Variants in IL10RB observed in about 807,000 individuals in gnomAD.
IL10RB encodes interleukin 10 receptor subunit beta.
IL10RB carries 30 observed loss-of-function variants against 38.7 expected under a neutral mutation model. The observed-to-expected ratio is 0.78, with a 90% CI of 0.58 to 1.05. The LOEUF is 1.05. IL10RB is among the 50% of genes least tolerant of loss of function. The probability of loss-of-function intolerance (pLI) is 0.00; values close to 1 mark genes in which losing one functional copy is unlikely to be tolerated. For synonymous variants in IL10RB, 142 were observed against 145.9 expected, an observed-to-expected ratio of 0.97 and a Z score of 0.19; for missense variants, 328 against 397.1, an observed-to-expected ratio of 0.83 and a Z score of 1.48.
rs1356399741 is a variant in IL10RB, at chr21:33,266,498, C to T, written c.33C>T (p.Gly11=). The change falls in exon 1 of 7, where the codon GGC becomes GGT. Residue 11 remains glycine (G), a synonymous_variant. Transcript: ENST00000290200. ...GGAGCCTTGGGAGCTGGCTGGGTGG[C>T]TGCCTGCTGGTGTCAGGTGAGGGGT... is the stretch of plus-strand genomic sequence containing the variant. The part of the protein sequence containing the change: MAWSLGSWLG[G]CLLVSALGMV... The T allele has an allele frequency of 6.5e-7, 1 of 1,542,992 alleles. No homozygotes were observed. The highest frequency in any genetic ancestry group is 1.2e-5 in the South Asian group (1 of 84,080).
Position 33,296,727 on chromosome 21 carries a change from C to G in IL10RB, c.*370C>G, listed in dbSNP as rs1267861730. The G allele has an allele frequency of 2.7e-6, 1 of 374,076 alleles. No homozygotes were observed. Among genetic ancestry groups the G allele is most frequent in the Non-Finnish European group, 5.2e-6 (1 of 190,552 alleles). The allele number at this position is 374,076 out of a possible 1,614,324, so 23.2% of individuals were successfully genotyped here. On this transcript the variant is annotated 3_prime_UTR_variant, in exon 7 of 7. Coordinates refer to ENST00000290200, the MANE Select transcript of IL10RB (RefSeq NM_000628.5). Reference sequence around the variant, plus strand: ...ACCTTAGAGGTCGAGGCAGGCGGATCACTTGAGGTCAGGAGTTCAAGACCA... The same window carrying G: ...ACCTTAGAGGTCGAGGCAGGCGGATGACTTGAGGTCAGGAGTTCAAGACCA...
intron 4 of IL10RB, 151 bp downstream of exon 4, chr21:33,280,069 G>A: frequency 1.3e-6 from 1 of 741,030 alleles, no homozygotes. Context: ...AAGCTTCCCA[G>A]ACTCCTAAGG....
chr21:33,298,800 C>T (rs1349634319), downstream of IL10RB, among the ~76,000 whole-genome samples: 2 of 152,148 alleles, frequency 1.3e-5, no homozygotes, highest in East Asian at 3.8e-4. Flanking sequence ...GATTAGCAAG[C>T]TGGAAGCTTG....
intron 6 of IL10RB, among the ~76,000 whole-genome samples, chr21:33,295,671 C>A (rs1330834797): frequency 3.4e-3 from 372 of 109,518 alleles, no homozygotes; most frequent in African/African-American, 4.1e-3. Context: ...GACTCCATCT[C>A]AAAAAAAAAA....
intron 2 of IL10RB, 50 bp downstream of exon 2, chr21:33,268,567 G>A: frequency 7.4e-7 from 1 of 1,350,572 alleles, no homozygotes; most frequent in Middle Eastern, 2.2e-4. Context: ...AGCCAGCCCT[G>A]GGCTGGTCAC....
chr21:33,270,665 C>T (rs1191298817), intron 2 of IL10RB, among the ~76,000 whole-genome samples: 6 of 150,940 alleles, frequency 4.0e-5, no homozygotes, highest in Middle Eastern at 3.4e-3. Context: ...TGAGCCACCG[C>T]GCCCAGCCTT....
At chr21:33,266,802 T>C (rs910352434) in intron 1 of IL10RB, among the ~76,000 whole-genome samples, 6 of 152,170 alleles carry the variant, frequency 3.9e-5, no homozygotes, top group African/African-American at 1.4e-4. Context: ...TGCAGCTCTC[T>C]GCTGGCGGGC....
chr21:33,296,337 G>A lies in IL10RB; in HGVS notation c.958G>A (p.Gly320Arg), dbSNP rs1346990747. 6.2e-7 allele frequency: 1 copy of A among 1,613,634 alleles called. No individual in the cohort carries two copies. Among genetic ancestry groups the A allele is most frequent in the South Asian group, 1.1e-5 (1 of 90,940 alleles). Residue 320 changes from glycine to arginine, a missense_variant, in exon 7 of 7, where the codon GGG (glycine) becomes AGG (arginine). Coordinates refer to ENST00000290200, the MANE Select transcript of IL10RB (RefSeq NM_000628.5). The part of the protein sequence containing the change: ...GDSCSLGTPP[G>R]QGPQS ...CAGCTGCAGCCTCGGGACCCCGCCT[G>A]GGCAGGGGCCCCAAAGCTAGGCTCT...
chr21:33,301,975 G>A (rs1250222745), downstream of IL10RB, among the ~76,000 whole-genome samples: 1 of 152,132 alleles, frequency 6.6e-6, no homozygotes, highest in Non-Finnish European at 1.5e-5. Context: ...CCAATGACCT[G>A]CTTCTACCCA....
chr21:33,272,150 A>C (rs981856884), intron 2 of IL10RB, among the ~76,000 whole-genome samples: 3 of 152,214 alleles, frequency 2.0e-5, no homozygotes, highest in Non-Finnish European at 4.4e-5. Flanking sequence ...GATCCCAATG[A>C]TCTCTATCTA....
In IL10RB at chr21:33,288,165, G is replaced by C; in HGVS notation, c.708G>C (p.Leu236=). ...TGGCCTCGGTCTTCATGGTCTGCCT[G>C]GCACTCCTCGGCTGCTTCGCCTTGC... is the stretch of plus-strand genomic sequence containing the variant. ...ILMASVFMVC[L]ALLGCFALLW... The change falls in exon 6 of 7, where the codon CTG becomes CTC. Residue 236 remains leucine (L), a synonymous_variant. Transcript: ENST00000290200. The C allele has an allele frequency of 1.9e-6, 3 of 1,614,098 alleles. No homozygotes were observed. The highest frequency in any genetic ancestry group is 2.5e-6 in the Non-Finnish European group (3 of 1,179,978).
chr21:33,266,499 T>A lies in IL10RB; in HGVS notation c.34T>A (p.Cys12Ser), dbSNP rs1052142239. 1 of 1,542,814 alleles carries A rather than the reference T, an allele frequency of 6.5e-7. No homozygotes were observed. The highest frequency in any genetic ancestry group is 1.4e-5 in the African/African-American group (1 of 73,064). ...AWSLGSWLGGCLLVSALGMVP... is the reference protein window; with the variant it reads ...AWSLGSWLGGSLLVSALGMVP... ...GAGCCTTGGGAGCTGGCTGGGTGGC[T>A]GCCTGCTGGTGTCAGGTGAGGGGTC... is the stretch of plus-strand genomic sequence containing the variant. Residue 12 changes from cysteine (C) to serine (S), a missense_variant, in exon 1 of 7, where the codon TGC (cysteine) becomes AGC (serine). Coordinates refer to ENST00000290200, the MANE Select transcript of IL10RB (RefSeq NM_000628.5).
chr21:33,306,725 T>TG (rs1424018570), intron 1 of IL10RB, among the ~76,000 whole-genome samples: 4 of 152,000 alleles, frequency 2.6e-5, no homozygotes, highest in East Asian at 3.9e-4. Flanking sequence ...TTTGTAGAGA[T>TG]GGGGTCTCAC....
At chr21:33,309,430 A>C (rs1030027416) in exon 2 of IL10RB, 1 of 152,216 alleles carries the variant, frequency 6.6e-6, no homozygotes, top group Non-Finnish European at 1.5e-5. Flanking sequence ...TATGACCAAC[A>C]CTCACAATTC....
chr21:33,306,679 T>C (rs2082999703), intron 1 of IL10RB, among the ~76,000 whole-genome samples: 1 of 151,986 alleles, frequency 6.6e-6, no homozygotes, highest in African/African-American at 2.4e-5. Flanking sequence ...GACTACAGGT[T>C]CGTGCCACCA....
intron 6 of IL10RB, among the ~76,000 whole-genome samples, chr21:33,289,711 C>T (rs567911567): frequency 6.6e-6 from 1 of 152,192 alleles, no homozygotes; most frequent in African/African-American, 2.4e-5. Context: ...GAGGAGGTGG[C>T]TTAAAGTTTA....
intron 6 of IL10RB, among the ~76,000 whole-genome samples, chr21:33,293,038 C>G (rs1254905885): frequency 1.3e-5 from 2 of 152,224 alleles, no homozygotes; most frequent in African/African-American, 4.8e-5. Context: ...TGCTTCCTTC[C>G]TAGTGGTGGG....
chr21:33,281,468 T>A (rs534470768), intron 4 of IL10RB, among the ~76,000 whole-genome samples: 2 of 152,326 alleles, frequency 1.3e-5, no homozygotes, highest in East Asian at 3.9e-4. Flanking sequence ...TACACATTTG[T>A]CCTCTCTCTT....
chr21:33,296,065 AAAAT>A (rs2123605866), intron 6 of IL10RB, 115 bp from the exon 7 acceptor site: 6 of 697,352 alleles, frequency 8.6e-6, no homozygotes, highest in East Asian at 6.8e-5. Context: ...ATAAACATTA[AAAAT>A]AAATAAATAA....
Sources: allele counts gnomAD v4.1 joint callset (sites outside exome capture counted in the v4.1 genomes callset), GRCh38; gene constraint gnomAD v4.1.1; transcripts MANE v1.5; gene names NCBI Gene and HGNC (gene_info 2026-07-23, HGNC 2026-07-21).